The following SPG7 variants were observed in gnomAD, a reference collection of about 807,000 sequenced individuals.
The protein encoded by SPG7 is SPG7 matrix AAA peptidase subunit, paraplegin, also known as mitochondrial inner membrane m-AAA protease component paraplegin.
In SPG7, 103 loss-of-function variants were observed where a neutral mutation model predicts 81.9. The ratio of observed to expected loss-of-function variants is 1.26; its 90% CI spans 1.07 to 1.48. The LOEUF (loss-of-function observed/expected upper bound fraction) is 1.48. SPG7 is among the 40% of genes most tolerant of loss of function. The pLI, the probability that SPG7 is intolerant of heterozygous loss-of-function variation, is 0.00. For synonymous variants in SPG7, 534 were observed against 444.2 expected (o/e 1.20, Z -2.54); for missense variants, 1,241 against 1,087.3 (o/e 1.14, Z -1.99).
At chr16:89,547,908 C>A in intron 11 of SPG7, 95 bp from the exon 12 acceptor site, 1 of 926,860 alleles carries the variant, frequency 1.1e-6, no homozygotes, top group Non-Finnish European at 1.8e-6. Flanking sequence ...CCACCATGCC[C>A]GGCCATCTTT....
At chr16:89,555,689 TC>T (rs2058680674) in intron 16 of SPG7, 1 of 396,110 alleles carries the variant, frequency 2.5e-6, no homozygotes, top group African/African-American at 2.1e-5. Context: ...TGTAGGACGT[TC>T]CTCAGTTGCG....
At chr16:89,545,995 G>C (rs536712159) in intron 10 of SPG7, 9 of 415,646 alleles carry the variant, frequency 2.2e-5, no homozygotes, top group African/African-American at 1.3e-4. Context: ...CCGCCGTGCT[G>C]GTTAATTTTT....
chr16:89,557,200 G>T lies in SPG7; in HGVS notation c.*107G>T. On this transcript the variant is annotated 3_prime_UTR_variant, in exon 17 of 17. Coordinates refer to ENST00000645818, the MANE Select transcript of SPG7 (RefSeq NM_003119.4). ...TTTGCACTTCCTCTCGCGGCCCTCA[G>T]TAGTCCCTGCACAGTGACTTCTGAG... is the stretch of plus-strand genomic sequence containing the variant. The T allele has an allele frequency of 1.3e-6, 1 of 748,458 alleles. No homozygotes were observed. The highest frequency in any genetic ancestry group is 1.5e-5 in the South Asian group (1 of 66,072). 46.4% of individuals were successfully genotyped at this position (748,458 alleles called of 1,614,324 possible).
rs536809189 is a variant in SPG7, at chr16:89,531,779, G to A, written c.988-125G>A. On this transcript the variant is annotated intron_variant, in intron 7 of 16. Transcript: ENST00000645818. Reference sequence around the variant, plus strand: ...GGTGGCTTGAACCCAGGAGTTTGAGGCTGCAGTGAGCTATCATGGCACCCA... The same window carrying A: ...GGTGGCTTGAACCCAGGAGTTTGAGACTGCAGTGAGCTATCATGGCACCCA... The A allele has an allele frequency of 6.6e-6, 6 of 905,700 alleles. No individual in the cohort carries two copies. The East Asian group carries it at 1.5e-4, about 23-fold the overall frequency. 56.1% of individuals were successfully genotyped at this position (905,700 alleles called of 1,614,324 possible). A position where few individuals can be genotyped will look rare whatever the true frequency, so the allele number is the denominator to read the frequency against.
chr16:89,536,074 C>G (rs1207837364), intron 9 of SPG7, among the ~76,000 whole-genome samples: 33 of 140,950 alleles, frequency 2.3e-4, no homozygotes, highest in African/African-American at 9.3e-4. Context: ...TGTGGCCGCT[C>G]TGGTGCTGTG....
At chr16:89,542,447 C>T (rs2058507601) in intron 9 of SPG7, among the ~76,000 whole-genome samples, 1 of 152,210 alleles carries the variant, frequency 6.6e-6, no homozygotes, top group Admixed American at 6.5e-5. Flanking sequence ...GATTTTAAGA[C>T]ACTGTCTTTG....
At chr16:89,535,326 G>A (rs2058398581) in intron 9 of SPG7, among the ~76,000 whole-genome samples, 1 of 152,164 alleles carries the variant, frequency 6.6e-6, no homozygotes, top group Admixed American at 6.5e-5. Context: ...CCTCTGGGCT[G>A]CTGTGAAGTC....
intron 12 of SPG7, 131 bp from the exon 13 acceptor site, chr16:89,550,363 G>A: frequency 1.4e-6 from 1 of 733,402 alleles, no homozygotes; most frequent in Non-Finnish European, 2.5e-6. Flanking sequence ...AGTAGGGACG[G>A]GGTTTCACCA....
chr16:89,529,551 C>G lies in SPG7; in HGVS notation c.833C>G (p.Thr278Ser), dbSNP rs1315349799. The G allele has an allele frequency of 9.3e-6, 15 of 1,613,830 alleles. No homozygotes were observed. The highest frequency in any genetic ancestry group is 1.3e-5 in the Non-Finnish European group (15 of 1,179,714). Residue 278 changes from threonine (T) to serine (S), a missense_variant, in exon 6 of 17, where the codon ACT (threonine) becomes AGT (serine). Coordinates refer to ENST00000645818, the MANE Select transcript of SPG7 (RefSeq NM_003119.4). ...TATGTTTTCCGTCTGGCCGGGATGA[C>G]TGGAAGGGAAGGTGGATTCAGTGCT... ...LWYVFRLAGMTGREGGFSAFN... is the reference protein window; with the variant it reads ...LWYVFRLAGMSGREGGFSAFN...
chr16:89,537,212 A>T (rs934016033), intron 9 of SPG7: 3 of 1,425,794 alleles, frequency 2.1e-6, no homozygotes, highest in African/African-American at 2.9e-5. Flanking sequence ...GGGAAATCTC[A>T]CTGGGGAAGA....
At chr16:89,520,420 A>G (rs543001922) in intron 3 of SPG7, 1 of 185,964 alleles carries the variant, frequency 5.4e-6, no homozygotes, top group Non-Finnish European at 1.1e-5. Flanking sequence ...TTTGAGATGG[A>G]GTTTCACTCT....
rs375459965 is a variant in SPG7 at position 89,535,195 on chromosome 16, C to G, written c.1324+2559C>G. On this transcript the variant is annotated intron_variant, in intron 9 of 16. Transcript: ENST00000645818. ...CTTGAGGTTTACAGTGTCGCTGCAC[C>G]TGTCGCTGGCGGTGGACTCTGCTGA... Among the ~76,000 whole-genome samples the G allele has an allele frequency of 1.4e-3, 217 of 152,304 alleles. 4 individuals carry two copies. The South Asian group carries it at 0.043, about 30-fold the overall frequency.
chr16:89,523,845 G>C, intron 3 of SPG7, 161 bp from the exon 4 acceptor site: 1 of 944,496 alleles, frequency 1.1e-6, no homozygotes, highest in Non-Finnish European at 1.7e-6. Flanking sequence ...GTTAGTCTTT[G>C]TCTCTGATAA....
chr16:89,554,987 C>A (rs942940360), intron 16 of SPG7: 20 of 209,184 alleles, frequency 9.6e-5, no homozygotes, highest in Admixed American at 4.8e-4. Context: ...GACATCTTGG[C>A]TCACTGCAAC....
intron 13 of SPG7, chr16:89,551,136 G>A (rs932271289): frequency 5.1e-5 from 10 of 194,946 alleles, no homozygotes; most frequent in Non-Finnish European, 8.7e-5. Context: ...TTACCAAATG[G>A]TGATGTTACA....
chr16:89,528,558 C>T (rs935419173), intron 5 of SPG7: 1 of 150,688 alleles, frequency 6.6e-6, no homozygotes, highest in Non-Finnish European at 1.5e-5. Flanking sequence ...GGGGCAGGCC[C>T]AGGGCAGCCC....
intron 3 of SPG7, chr16:89,518,455 A>G (rs1788295663): frequency 6.6e-6 from 1 of 152,188 alleles, no homozygotes; most frequent in African/African-American, 2.4e-5. Flanking sequence ...GCTCACTGAT[A>G]ACGCGGGTGA....
In SPG7 at chr16:89,532,577, C is replaced by T. The variant is rs759692576; in HGVS notation, c.1265C>T (p.Ser422Phe). The T allele has an allele frequency of 6.2e-7, 1 of 1,613,806 alleles. No homozygotes were observed. Residue 422 changes from serine (S) to phenylalanine (F), a missense_variant, in exon 9 of 17, where the codon TCC becomes TTC. Physicochemically the swap from Ser to Phe is radical, Grantham distance 155. Transcript: ENST00000645818. ...GGCAAGAAGCGCTCCACCACCATGTCCGGCTTCTCCAACACGGAGGAGGAG... is the reference window on the plus strand; with the variant it reads ...GGCAAGAAGCGCTCCACCACCATGTTCGGCTTCTCCAACACGGAGGAGGAG... ...AVGKKRSTTM[S>F]GFSNTEEEQT...
intron 9 of SPG7, chr16:89,536,881 T>A: frequency 1.2e-6 from 2 of 1,614,180 alleles, no homozygotes; most frequent in Non-Finnish European, 1.7e-6. Flanking sequence ...GGAGGGTCAT[T>A]CGCTCTGCTG....
Sources: gnomAD v4.1 joint callset for allele counts (sites outside exome capture counted in the v4.1 genomes callset) on GRCh38, gnomAD v4.1.1 for gene constraint, MANE v1.5 for transcripts, NCBI Gene and HGNC (gene_info 2026-07-23, HGNC 2026-07-21) for gene names.